The following TXNL4A variants were observed in gnomAD, a reference collection of about 807,000 sequenced individuals.
TXNL4A encodes the protein thioredoxin like 4A.
A neutral mutation model predicts 14.6 loss-of-function variants in TXNL4A; 17 were observed. The ratio of observed to expected loss-of-function variants is 1.16; its 90% CI spans 0.80 to 1.74. The LOEUF (loss-of-function observed/expected upper bound fraction) is 1.74. Among genes scored for constraint, TXNL4A ranks in the 40% most tolerant of loss-of-function variants. The pLI is 0.00. For missense variants in TXNL4A, 74 were observed against 195.2 expected (o/e 0.38, Z 3.70); for synonymous variants, 83 against 70.6 (o/e 1.18, Z -0.88).
chr18:80,020,988 G>A (rs950377005), intron 1 of TXNL4A, among the ~76,000 whole-genome samples: 3 of 152,102 alleles, frequency 2.0e-5, no homozygotes, highest in Non-Finnish European at 2.9e-5. Flanking sequence ...AATAAAGAGC[G>A]TTAGTGCCTT....
intron 1 of TXNL4A, among the ~76,000 whole-genome samples, chr18:79,981,641 C>G (rs1568365228): frequency 6.6e-6 from 1 of 152,240 alleles, no homozygotes; most frequent in Non-Finnish European, 1.5e-5. Context: ...CACTGCACTC[C>G]AGCCTGAAGG....
rs146083551 is a variant in TXNL4A at position 80,008,932 on chromosome 18, C to A, written c.-61+24919G>T. ...AGCTGGGATTACAGGCGTGAGCCAC[C>A]ACGCCCGACTAATTTTTGTATTTTC... On this transcript the variant is annotated intron_variant, in intron 1 of 2. Coordinates refer to the TXNL4A transcript ENST00000585474. Among the ~76,000 whole-genome samples, 793 of 151,650 alleles carry A rather than the reference C, an allele frequency of 5.2e-3. 3 individuals carry two copies. Among genetic ancestry groups the A allele is most frequent in the Non-Finnish European group, 8.7e-3 (591 of 67,854 alleles).
chr18:80,011,645 C>T lies in TXNL4A; in HGVS notation c.-61+22206G>A, dbSNP rs2051770326. Among the ~76,000 whole-genome samples the T allele has an allele frequency of 6.6e-6, 1 of 152,164 alleles. No homozygotes were observed. Among genetic ancestry groups the T allele is most frequent in the Non-Finnish European group, 1.5e-5 (1 of 68,028 alleles). On this transcript the variant is annotated intron_variant, in intron 1 of 2. Coordinates refer to the TXNL4A transcript ENST00000585474. This position sits in a 1 kb window ranked among gnomAD's most constrained non-coding sequence, Gnocchi z 4.1. ...TTCATGTCTTTATGCCCCGAGAGCA[C>T]AACCGCTCGGCGGCATTCCACAGGT... is the stretch of plus-strand genomic sequence containing the variant.
At chr18:80,012,204 AGATAGGCCTTTGGCT>A (rs1251888636) in intron 1 of TXNL4A, among the ~76,000 whole-genome samples, 1 of 152,210 alleles carries the variant, frequency 6.6e-6, no homozygotes, top group Admixed American at 6.5e-5. Context: ...CGCCAAACCA[AGATAGGCCTTTGGCT>A]ACTGCATGTC....
chr18:80,005,358 T>C (rs912496608), intron 1 of TXNL4A, among the ~76,000 whole-genome samples: 3 of 152,212 alleles, frequency 2.0e-5, no homozygotes, highest in African/African-American at 7.2e-5. Context: ...GTGACAGCCA[T>C]TGAATTAGAG....
At chr18:79,974,397 C>A (rs1375415940) in intron 2 of TXNL4A, among the ~76,000 whole-genome samples, 1 of 152,236 alleles carries the variant, frequency 6.6e-6, no homozygotes, top group African/African-American at 2.4e-5. Flanking sequence ...TAATTCTTTA[C>A]TTATCTTTCA....
intron 1 of TXNL4A, among the ~76,000 whole-genome samples, chr18:80,014,030 A>G (rs2051790125): frequency 6.6e-6 from 1 of 152,164 alleles, no homozygotes; most frequent in South Asian, 2.1e-4. Flanking sequence ...CTTATTCACT[A>G]TCCTGAGACT....
intron 1 of TXNL4A, among the ~76,000 whole-genome samples, chr18:80,007,835 CT>C (rs1272079300): frequency 1.3e-5 from 2 of 152,126 alleles, no homozygotes; most frequent in Non-Finnish European, 2.9e-5. Flanking sequence ...GGAGTTTTGC[CT>C]CCAGATGGCC....
In TXNL4A at chr18:79,972,869, C is replaced by T. The variant is rs889309436; in HGVS notation, c.*816G>A. 2 of 152,194 alleles carry T rather than the reference C, an allele frequency of 1.3e-5. No homozygotes were observed. The highest frequency in any genetic ancestry group is 6.5e-5 in the Admixed American group (1 of 15,274). 9.4% of individuals were successfully genotyped at this position (152,194 alleles called of 1,614,324 possible). Reference sequence around the variant, plus strand: ...AAGAATAAAAAATAGCTCTCCTATTCCTTACAGGGAAGGCTATAAACAATA... The same window carrying T: ...AAGAATAAAAAATAGCTCTCCTATTTCTTACAGGGAAGGCTATAAACAATA... On this transcript the variant is annotated 3_prime_UTR_variant, in exon 3 of 3. Coordinates refer to ENST00000269601, the MANE Select transcript of TXNL4A (RefSeq NM_006701.5).
intron 1 of TXNL4A, among the ~76,000 whole-genome samples, chr18:80,021,341 T>A (rs899237344): frequency 6.6e-6 from 1 of 152,104 alleles, no homozygotes; most frequent in African/African-American, 2.4e-5. Context: ...CATGCCTGGC[T>A]AATTTTTTGT....
At chr18:80,028,664 G>C (rs1448282973) in intron 1 of TXNL4A, among the ~76,000 whole-genome samples, 1 of 152,186 alleles carries the variant, frequency 6.6e-6, no homozygotes, top group Admixed American at 6.5e-5. Context: ...GTCCTCTTCT[G>C]GAAGCCAGAT....
At chr18:80,013,218 GT>G (rs2051783885) in intron 1 of TXNL4A, among the ~76,000 whole-genome samples, 1 of 151,250 alleles carries the variant, frequency 6.6e-6, no homozygotes, top group Non-Finnish European at 1.5e-5. Flanking sequence ...CGCCTCCTGG[GT>G]TCACACCATT....
intron 1 of TXNL4A, among the ~76,000 whole-genome samples, chr18:80,022,568 T>C (rs761831637): frequency 7.9e-5 from 12 of 152,336 alleles, no homozygotes; most frequent in African/African-American, 1.4e-4. Flanking sequence ...CCTTGTGTAA[T>C]AGAATATACG....
rs776362969 is a variant in TXNL4A at position 79,988,432 on chromosome 18, A to T, written c.-40T>A. On this transcript the variant is annotated 5_prime_UTR_variant, in exon 1 of 3. Transcript: ENST00000269601. ...TCGCCGCCGCCCAAGGCGGGGCGCC[A>T]GGGAGGGCCCAGCGAGGTGGGCTCA... 565 of 1,391,612 alleles carry T rather than the reference A, an allele frequency of 4.1e-4. 1 individual carries two copies. Among genetic ancestry groups the T allele is most frequent in the Admixed American group, 1.3e-3 (52 of 41,150 alleles). 86.2% of individuals were successfully genotyped at this position (1,391,612 alleles called of 1,614,324 possible).
chr18:80,014,359 A>G (rs2051792330), intron 1 of TXNL4A, among the ~76,000 whole-genome samples: 1 of 152,134 alleles, frequency 6.6e-6, no homozygotes, highest in Admixed American at 6.5e-5. Context: ...CTTCCTATAT[A>G]CAATAAAGGT....
At chr18:79,978,931 G>A (rs534784718) in intron 1 of TXNL4A, among the ~76,000 whole-genome samples, 2 of 151,156 alleles carry the variant, frequency 1.3e-5, no homozygotes, top group African/African-American at 4.9e-5. Flanking sequence ...TTAATTTTGA[G>A]CATTCTTTTT....
intron 1 of TXNL4A, among the ~76,000 whole-genome samples, chr18:79,983,445 A>T (rs1300551388): frequency 6.6e-6 from 1 of 152,200 alleles, no homozygotes; most frequent in Non-Finnish European, 1.5e-5. Flanking sequence ...CTCTAAGTCC[A>T]CCTGCCAAGT....
intron 1 of TXNL4A, among the ~76,000 whole-genome samples, chr18:80,000,400 C>T (rs1432988595): frequency 6.6e-6 from 1 of 152,112 alleles, no homozygotes; most frequent in Non-Finnish European, 1.5e-5. Context: ...TTGCCCCTGC[C>T]CTAGACATCT....
intron 1 of TXNL4A, among the ~76,000 whole-genome samples, chr18:80,016,879 G>GT (rs1210672808): frequency 2.6e-5 from 4 of 151,798 alleles, no homozygotes; most frequent in Admixed American, 1.3e-4. Context: ...CTTTAAAGTA[G>GT]TTTTTTCCAA....
Sources: gnomAD v4.1 joint callset for allele counts (sites outside exome capture counted in the v4.1 genomes callset) on GRCh38, gnomAD v4.1.1 for gene constraint, Gnocchi (gnomAD v3.1) non-coding constraint, MANE v1.5 for transcripts, NCBI Gene and HGNC (gene_info 2026-07-23, HGNC 2026-07-21) for gene names.